The following PPP2R2A variants were observed in gnomAD, a reference collection of about 807,000 sequenced individuals.
PPP2R2A encodes the protein protein phosphatase 2 regulatory subunit Balpha.
In PPP2R2A, 9 loss-of-function variants were observed where a neutral mutation model predicts 53.2. That is an observed-to-expected ratio of 0.17 (90% CI 0.10 to 0.30). PPP2R2A has a LOEUF of 0.30. PPP2R2A is among the 10% of genes least tolerant of loss of function. PPP2R2A has a pLI of 1.00. For missense variants in PPP2R2A, 235 were observed against 534.6 expected (o/e 0.44, Z 5.53); for synonymous variants, 169 against 174.2 (o/e 0.97, Z 0.23).
chr8:26,324,609 C>A (rs994424049), intron 2 of PPP2R2A, among the ~76,000 whole-genome samples: 1 of 152,156 alleles, frequency 6.6e-6, no homozygotes, highest in Non-Finnish European at 1.5e-5. Flanking sequence ...GGGGTCGGAG[C>A]CCCCACACAG....
chr8:26,336,218 G>C (rs1166284977), intron 2 of PPP2R2A, among the ~76,000 whole-genome samples: 5 of 152,024 alleles, frequency 3.3e-5, no homozygotes, highest in Non-Finnish European at 5.9e-5. Flanking sequence ...GATGCCAAGA[G>C]TTCGAAACCA....
At chr8:26,339,878 ATAC>A (rs1348234346) in intron 3 of PPP2R2A, 1 of 152,104 alleles carries the variant, frequency 6.6e-6, no homozygotes, top group Non-Finnish European at 1.5e-5. Context: ...TCTAGTAATA[ATAC>A]TACTACTTTG....
rs563298397 is a variant in PPP2R2A, at chr8:26,332,593, A to T, written c.83-6297A>T. Among the ~76,000 whole-genome samples, 4 of 152,086 alleles carry T rather than the reference A, an allele frequency of 2.6e-5. 1 individual carries two copies. In the South Asian group the frequency reaches 8.3e-4, roughly 32 times the overall value. ...TTCTTAAGCATTTACTGAATCCTTT[A>T]TTGGTTAATGCTTCATCTGTAGGGA... is the stretch of plus-strand genomic sequence containing the variant. On this transcript the variant is annotated intron_variant, in intron 2 of 9. Transcript: ENST00000380737.
At chr8:26,348,590 A>G (rs1420194273) in intron 3 of PPP2R2A, among the ~76,000 whole-genome samples, 1 of 152,188 alleles carries the variant, frequency 6.6e-6, no homozygotes, top group Admixed American at 6.5e-5. Flanking sequence ...CAAAATATGG[A>G]AAAAAATGTG....
chr8:26,351,228 G>C (rs6557914), intron 3 of PPP2R2A, among the ~76,000 whole-genome samples: 109,775 of 151,704 alleles, frequency 0.72, 39,998 homozygotes, highest in East Asian at 0.88. Flanking sequence ...CTGTATGACT[G>C]GTACTGTAGC....
chr8:26,369,771 A>G (rs1805575990), intron 9 of PPP2R2A, among the ~76,000 whole-genome samples: 1 of 152,262 alleles, frequency 6.6e-6, no homozygotes, highest in South Asian at 2.1e-4. Flanking sequence ...CTTTTGTTTT[A>G]GAACCTGTGA....
chr8:26,317,708 GTAT>G (rs1802627290), intron 2 of PPP2R2A, among the ~76,000 whole-genome samples: 1 of 152,212 alleles, frequency 6.6e-6, no homozygotes, highest in Non-Finnish European at 1.5e-5. Flanking sequence ...GCTAGTATAT[GTAT>G]TATTGACCAA....
chr8:26,334,393 C>T (rs1803544745), intron 2 of PPP2R2A, among the ~76,000 whole-genome samples: 1 of 152,172 alleles, frequency 6.6e-6, no homozygotes, highest in Admixed American at 6.5e-5. Flanking sequence ...ACATGATACA[C>T]AGTGCATTGT....
chr8:26,304,651 A>G (rs1377032102), intron 2 of PPP2R2A, among the ~76,000 whole-genome samples: 2 of 152,148 alleles, frequency 1.3e-5, no homozygotes, highest in African/African-American at 2.4e-5. Context: ...ATGACTTTCT[A>G]AGGGAACAAA....
At chr8:26,295,974 G>C (rs1801524675) in intron 2 of PPP2R2A, among the ~76,000 whole-genome samples, 1 of 151,946 alleles carries the variant, frequency 6.6e-6, no homozygotes, top group South Asian at 2.1e-4. Flanking sequence ...TTACTTGCCT[G>C]TTTTCTGTTA....
Position 26,354,407 on chromosome 8 carries a change from A to G in PPP2R2A, c.181-61A>G, listed in dbSNP as rs1395828916. The G allele has an allele frequency of 8.9e-6, 12 of 1,341,824 alleles. No homozygotes were observed. Among genetic ancestry groups the G allele is most frequent in the East Asian group, 2.4e-5 (1 of 41,530 alleles). 83.1% of individuals were successfully genotyped at this position (1,341,824 alleles called of 1,614,324 possible). On this transcript the variant is annotated intron_variant, in intron 3 of 9. Transcript: ENST00000380737. This position sits in a 1 kb window ranked among gnomAD's most constrained non-coding sequence, Gnocchi z 4.6. ...TGCAGGGTCCTTTGGAATTGATTAC[A>G]TATTTGATTATTTTGAAATATTTTT...
chr8:26,345,294 G>GCT (rs1247172133), intron 3 of PPP2R2A, among the ~76,000 whole-genome samples: 5 of 151,866 alleles, frequency 3.3e-5, no homozygotes, highest in Admixed American at 6.6e-5. Flanking sequence ...TTCTTCCTGT[G>GCT]CTCTCCCTAG....
rs147014904 is a variant in PPP2R2A, at chr8:26,335,076, C to T, written c.83-3814C>T. Reference sequence around the variant, plus strand: ...ACTAGGGCTTACCGATCTGAGTGCTCTGCAGCACCAGGCAAGACCATACCC... The same window carrying T: ...ACTAGGGCTTACCGATCTGAGTGCTTTGCAGCACCAGGCAAGACCATACCC... On this transcript the variant is annotated intron_variant, in intron 2 of 9. Transcript: ENST00000380737. Among the ~76,000 whole-genome samples the T allele has an allele frequency of 3.3e-3, 507 of 152,326 alleles. 2 individuals are homozygous for T. The highest frequency in any genetic ancestry group is 0.012 in the African/African-American group (483 of 41,574).
At chr8:26,322,621 T>C (rs2117271003) in intron 2 of PPP2R2A, among the ~76,000 whole-genome samples, 1 of 151,940 alleles carries the variant, frequency 6.6e-6, no homozygotes, top group South Asian at 2.1e-4. Context: ...TACACCCAGC[T>C]GAGTAGTTAG....
At chr8:26,326,974 A>G (rs1439008435) in intron 2 of PPP2R2A, among the ~76,000 whole-genome samples, 1 of 152,172 alleles carries the variant, frequency 6.6e-6, no homozygotes, top group African/African-American at 2.4e-5. Flanking sequence ...ATTCCATTCC[A>G]TTTTATCCAA....
rs550262360 is a variant in PPP2R2A, at chr8:26,321,069, G to A, written c.83-17821G>A. ...CAGTATCCTTGGAAACCCTGGAACG[G>A]TGCCATAACTAAACTAAAAAAATTT... is the stretch of plus-strand genomic sequence containing the variant. On this transcript the variant is annotated intron_variant, in intron 2 of 9. Coordinates refer to ENST00000380737, the MANE Select transcript of PPP2R2A (RefSeq NM_002717.4). The surrounding 1 kb of genome is among the most constrained non-coding windows in gnomAD (Gnocchi z 4.1). 3.3e-5 allele frequency among the ~76,000 whole-genome samples: 5 copies of A among 152,254 alleles called. No individual in the cohort carries two copies. Among genetic ancestry groups the A allele is most frequent in the African/African-American group, 1.2e-4 (5 of 41,552 alleles).
At chr8:26,313,420 C>T (rs987163745) in intron 2 of PPP2R2A, among the ~76,000 whole-genome samples, 4 of 152,058 alleles carry the variant, frequency 2.6e-5, no homozygotes, top group Non-Finnish European at 4.4e-5. Flanking sequence ...AACTGAGGTC[C>T]GCTAGGCTCT....
chr8:26,293,022 ATGAAT>A (rs1425887500), intron 1 of PPP2R2A: 9 of 434,820 alleles, frequency 2.1e-5, no homozygotes, highest in African/African-American at 1.8e-4. Flanking sequence ...CATTAGCAAA[ATGAAT>A]TCTTTGCCAG....
intron 2 of PPP2R2A, among the ~76,000 whole-genome samples, chr8:26,314,705 A>G (rs1346052634): frequency 6.6e-6 from 1 of 151,714 alleles, no homozygotes; most frequent in African/African-American, 2.4e-5. Context: ...CTGTTTACTG[A>G]TTTTTCCTTT....
Sources: allele counts gnomAD v4.1 joint callset (sites outside exome capture counted in the v4.1 genomes callset), GRCh38; gene constraint gnomAD v4.1.1; non-coding constraint Gnocchi (gnomAD v3.1); transcripts MANE v1.5; gene names NCBI Gene and HGNC (gene_info 2026-07-23, HGNC 2026-07-21).